Variants in KIAA0586 observed in about 807,000 individuals in gnomAD.
KIAA0586 encodes the protein KIAA0586.
KIAA0586 carries 144 observed loss-of-function variants against 169.8 expected under a neutral mutation model. The observed-to-expected ratio is 0.85, with a 90% confidence interval of 0.74 to 0.97. The LOEUF is 0.97. KIAA0586 is among the 50% of genes least tolerant of loss of function. The pLI is 0.00. For missense variants in KIAA0586, 1,854 were observed against 1,823.0 expected, an observed-to-expected ratio of 1.02 and a Z score of -0.31; for synonymous variants, 625 against 612.4, an observed-to-expected ratio of 1.02 and a Z score of -0.30.
chr14:58,484,912 A>ATTTTTATATATATT, intron 21 of KIAA0586, among the ~76,000 whole-genome samples: 1 of 14,302 alleles, frequency 7.0e-5, no homozygotes, highest in South Asian at 2.0e-3. Context: ...ATATATATAT[A>ATTTTTATATATATT]TATATATATA....
intron 19 of KIAA0586, among the ~76,000 whole-genome samples, chr14:58,476,847 C>T (rs1412918796): frequency 6.6e-6 from 1 of 151,778 alleles, no homozygotes; most frequent in Non-Finnish European, 1.5e-5. Flanking sequence ...TTTGTAGAGA[C>T]AGTGTTTTGC....
chr14:58,494,454 G>A (rs903238333), intron 26 of KIAA0586, among the ~76,000 whole-genome samples: 1 of 150,394 alleles, frequency 6.6e-6, no homozygotes, highest in African/African-American at 2.4e-5. Context: ...TGACTCCTCA[G>A]GTATCTGGTT....
At chr14:58,476,372 C>T (rs1300614325) in intron 19 of KIAA0586, among the ~76,000 whole-genome samples, 2 of 151,998 alleles carry the variant, frequency 1.3e-5, no homozygotes, top group Non-Finnish European at 2.9e-5. Flanking sequence ...TTTTTCTTTA[C>T]ATTTTAAGAG....
intron 9 of KIAA0586, among the ~76,000 whole-genome samples, chr14:58,456,450 CT>C (rs555050046): frequency 2.9e-4 from 44 of 152,264 alleles, no homozygotes; most frequent in African/African-American, 9.1e-4. Context: ...AAAGCATAAC[CT>C]TTTCCTGCTC....
At chr14:58,477,843 T>C (rs1249407022) in intron 20 of KIAA0586, among the ~76,000 whole-genome samples, 1 of 152,014 alleles carries the variant, frequency 6.6e-6, no homozygotes, top group African/African-American at 2.4e-5. Flanking sequence ...TTCTTCCTCT[T>C]CTTTTTCTCT....
chr14:58,553,535 G>A (rs1223812030), downstream of KIAA0586, among the ~76,000 whole-genome samples: 1 of 127,152 alleles, frequency 7.9e-6, no homozygotes, highest in Non-Finnish European at 1.7e-5. Flanking sequence ...AAAATATCTG[G>A]GTTTTTTTTT....
chr14:58,484,924 A>ATATATATACTTTTTTTTTTTTTT (rs1566877360), intron 21 of KIAA0586, among the ~76,000 whole-genome samples: 1 of 13,048 alleles, frequency 7.7e-5, no homozygotes. Context: ...ATATATATAT[A>ATATATATACTTTTTTTTTTTTTT]TTTTTTTTTT....
rs1280106651 is a variant in KIAA0586 at position 58,549,106 on chromosome 14, G to C, written c.*1174G>C. The C allele has an allele frequency of 6.6e-6, 1 of 152,020 alleles. No individual in the cohort carries two copies. Among genetic ancestry groups the C allele is most frequent in the Non-Finnish European group, 1.5e-5 (1 of 67,988 alleles). 9.4% of individuals were successfully genotyped at this position (152,020 alleles called of 1,614,324 possible). ...AGCACATGAAAAGAAAGGCAGCCTAGCACTAGTGAAAAAAATTTACCTCCC... is the reference window on the plus strand; with the variant it reads ...AGCACATGAAAAGAAAGGCAGCCTACCACTAGTGAAAAAAATTTACCTCCC... On this transcript the variant is annotated 3_prime_UTR_variant, in exon 31 of 31. Transcript: ENST00000652326.
intron 28 of KIAA0586, among the ~76,000 whole-genome samples, chr14:58,512,212 A>G (rs966144017): frequency 1.1e-4 from 16 of 152,200 alleles, no homozygotes; most frequent in Admixed American, 9.2e-4. Context: ...TTATATGTAT[A>G]TAAAGTAGTT....
intron 29 of KIAA0586, chr14:58,521,172 TGA>T: frequency 1.5e-6 from 1 of 657,426 alleles, no homozygotes; most frequent in South Asian, 1.7e-5. Context: ...GAGATTTTTT[TGA>T]TCTTCAGCTA....
At chr14:58,429,743 G>C (rs111634974) in intron 2 of KIAA0586, among the ~76,000 whole-genome samples, 42 of 152,152 alleles carry the variant, frequency 2.8e-4, no homozygotes, top group African/African-American at 1.0e-3. Flanking sequence ...CATGTTCTTA[G>C]GTAAAAGAAA....
intron 4 of KIAA0586, among the ~76,000 whole-genome samples, chr14:58,435,302 T>C (rs748956036): frequency 6.6e-6 from 1 of 152,252 alleles, no homozygotes; most frequent in Non-Finnish European, 1.5e-5. Flanking sequence ...TACAGTCACA[T>C]TTAATGACAT....
chr14:58,439,807 T>G, intron 4 of KIAA0586: 1 of 983,266 alleles, frequency 1.0e-6, no homozygotes, highest in Non-Finnish European at 1.2e-6. Context: ...TGTGATGCCC[T>G]TAAAAGTCGA....
intron 20 of KIAA0586, among the ~76,000 whole-genome samples, chr14:58,481,288 G>T (rs1007094454): frequency 1.3e-5 from 2 of 152,134 alleles, no homozygotes; most frequent in African/African-American, 4.8e-5. Context: ...CTTATTTTCC[G>T]CATGGAGCTT....
chr14:58,523,112 C>T (rs2045340543), intron 29 of KIAA0586, among the ~76,000 whole-genome samples: 1 of 151,954 alleles, frequency 6.6e-6, no homozygotes, highest in Admixed American at 6.6e-5. Context: ...GATGATCCCT[C>T]AGAATGAGCA....
intron 20 of KIAA0586, among the ~76,000 whole-genome samples, chr14:58,477,701 C>T (rs1349102583): frequency 6.6e-6 from 1 of 151,994 alleles, no homozygotes; most frequent in Non-Finnish European, 1.5e-5. Flanking sequence ...TTCTTTTCTC[C>T]ATTTTTTTCT....
chr14:58,508,578 G>A lies in KIAA0586; in HGVS notation c.4192G>A (p.Ala1398Thr). Reference sequence around the variant, plus strand: ...AGGTAGTATTTATGAAGATTCATGTGCTAGTCATGGTCCAATGAGTTTGGG... The same window carrying A: ...AGGTAGTATTTATGAAGATTCATGTACTAGTCATGGTCCAATGAGTTTGGG... ...VSGSIYEDSC[A>T]SHGPMSLGEL... Residue 1398 changes from alanine to threonine, a missense_variant, in exon 28 of 31, where the codon GCT becomes ACT. Physicochemically the swap from Ala to Thr is moderately conservative, Grantham distance 58 (BLOSUM62 0). Transcript: ENST00000652326. 36 of 1,593,626 alleles carry A rather than the reference G, an allele frequency of 2.3e-5. No individual in the cohort carries two copies. Among genetic ancestry groups the A allele is most frequent in the Non-Finnish European group, 3.0e-5 (35 of 1,169,154 alleles).
intron 29 of KIAA0586, among the ~76,000 whole-genome samples, chr14:58,538,924 C>T (rs546876373): frequency 1.6e-4 from 25 of 152,150 alleles, no homozygotes; most frequent in Non-Finnish European, 3.4e-4. Flanking sequence ...GGTCTACGGG[C>T]GCGAGCCACC....
chr14:58,460,148 C>T (rs914503355), intron 13 of KIAA0586, 78 bp downstream of exon 13: 14 of 836,070 alleles, frequency 1.7e-5, no homozygotes, highest in African/African-American at 3.5e-5. Context: ...AATAATGAAG[C>T]GAATGTGAAG....
Sources: allele counts gnomAD v4.1 joint callset (sites outside exome capture counted in the v4.1 genomes callset), GRCh38; gene constraint gnomAD v4.1.1; transcripts MANE v1.5; gene names NCBI Gene and HGNC (gene_info 2026-07-23, HGNC 2026-07-21).